The following RASSF2 variants were observed in gnomAD, a reference collection of about 807,000 sequenced individuals.
The protein encoded by RASSF2 is ras association domain-containing protein 2.
RASSF2 carries 34 observed loss-of-function variants against 46.3 expected under a neutral mutation model. That is an observed-to-expected ratio of 0.73 (90% CI 0.56 to 0.98). RASSF2 has a LOEUF of 0.98. RASSF2 is among the 50% of genes least tolerant of loss of function. The pLI is 0.00. For synonymous variants in RASSF2, 158 were observed against 162.5 expected (o/e 0.97, Z 0.21); for missense variants, 364 against 431.2 (o/e 0.84, Z 1.38).
At chr20:4,819,567 A>G (rs1374509873) in intron 2 of RASSF2, among the ~76,000 whole-genome samples, 2 of 152,150 alleles carry the variant, frequency 1.3e-5, no homozygotes, top group Non-Finnish European at 2.9e-5. Context: ...CCCATCAGTC[A>G]TTGGTTGAGA....
intron 5 of RASSF2, 57 bp from the exon 6 acceptor site, chr20:4,792,684 A>T (rs1343475933): frequency 3.2e-6 from 5 of 1,573,638 alleles, no homozygotes; most frequent in Non-Finnish European, 4.3e-6. Context: ...CTGTGGAGAG[A>T]CGCCCCCGCA....
intron 2 of RASSF2, 74 bp from the exon 3 acceptor site, chr20:4,801,136 G>T: frequency 8.4e-7 from 1 of 1,188,820 alleles, no homozygotes; most frequent in Non-Finnish European, 1.2e-6. Flanking sequence ...TTGGGGTGGG[G>T]AGGGGGCACA....
At chr20:4,813,194 C>A (rs1284976350) in intron 2 of RASSF2, among the ~76,000 whole-genome samples, 2 of 152,182 alleles carry the variant, frequency 1.3e-5, no homozygotes, top group African/African-American at 4.8e-5. Context: ...ACAGGCACAG[C>A]CCCTTCCTGG....
At chr20:4,807,261 T>C (rs1927411860) in intron 2 of RASSF2, among the ~76,000 whole-genome samples, 1 of 150,482 alleles carries the variant, frequency 6.6e-6, no homozygotes, top group Admixed American at 6.6e-5. Flanking sequence ...GAACCAAAAA[T>C]TTAAACATTG....
At position 4,786,255 on chromosome 20, in the gene RASSF2, C is replaced by T. The variant is rs750818035; in HGVS notation, c.887G>A (p.Arg296Gln). 11 of 1,612,938 alleles carry T rather than the reference C, an allele frequency of 6.8e-6. No homozygotes were observed. Among genetic ancestry groups the T allele is most frequent in the South Asian group, 2.2e-5 (2 of 91,058 alleles). ...CTTGCGCATCAGCTTCTTTACTTCCCGATCTTCTTCCTCCTGGAGCTTCTG... is the reference window on the plus strand; with the variant it reads ...CTTGCGCATCAGCTTCTTTACTTCCTGATCTTCTTCCTCCTGGAGCTTCTG... ...FIQKLQEEED[R>Q]EVKKLMRKYT... The change falls in exon 11 of 12, where the codon CGG becomes CAG. Residue 296 changes from arginine to glutamine, a missense_variant. By Grantham distance (43) the Arg-to-Gln change is conservative. Coordinates refer to ENST00000379400, the MANE Select transcript of RASSF2 (RefSeq NM_014737.3).
intron 4 of RASSF2, 43 bp downstream of exon 4, chr20:4,797,967 G>A (rs775842638): frequency 6.2e-7 from 1 of 1,611,464 alleles, no homozygotes; most frequent in East Asian, 2.2e-5. Context: ...ATGGTGACAA[G>A]CCCTGGACTA....
chr20:4,799,818 T>C (rs1031199538), intron 3 of RASSF2, among the ~76,000 whole-genome samples: 2 of 152,190 alleles, frequency 1.3e-5, no homozygotes, highest in South Asian at 2.1e-4. Flanking sequence ...TTCGTTAAGA[T>C]AGAGAAATCC....
At chr20:4,800,923 A>C (rs766108433) in intron 3 of RASSF2, 49 bp downstream of exon 3, 8 of 1,508,684 alleles carry the variant, frequency 5.3e-6, no homozygotes, top group Non-Finnish European at 7.4e-6. Flanking sequence ...ACAACATCCC[A>C]GCACGGGACT....
At chr20:4,810,843 G>A (rs1927730630) in intron 2 of RASSF2, among the ~76,000 whole-genome samples, 1 of 152,162 alleles carries the variant, frequency 6.6e-6, no homozygotes, top group Admixed American at 6.5e-5. Flanking sequence ...GGGGAGGAGA[G>A]GGCTTTCCAT....
In RASSF2 at chr20:4,790,440, G is replaced by A. The variant is rs1435363279; in HGVS notation, c.537+11C>T. On this transcript the variant is annotated intron_variant, in intron 7 of 11. Transcript: ENST00000379400. This position sits in a 1 kb window ranked among gnomAD's most constrained non-coding sequence, Gnocchi z 4.3. ...GGTCTTCCACCCTCCCCGTCCCCCT[G>A]TCCACCTTACCTTATGGTTGTAGAA... is the stretch of plus-strand genomic sequence containing the variant. The A allele has an allele frequency of 6.9e-6, 10 of 1,449,244 alleles. No individual in the cohort carries two copies. Among genetic ancestry groups the A allele is most frequent in the Non-Finnish European group, 9.1e-6 (10 of 1,099,720 alleles). 89.8% of individuals were successfully genotyped at this position (1,449,244 alleles called of 1,614,324 possible).
intron 2 of RASSF2, among the ~76,000 whole-genome samples, chr20:4,806,673 C>G (rs541474184): frequency 2.0e-5 from 3 of 152,304 alleles, no homozygotes; most frequent in African/African-American, 7.2e-5. Flanking sequence ...GTCTTTTACT[C>G]CTGGCCTCAA....
intron 2 of RASSF2, among the ~76,000 whole-genome samples, chr20:4,801,724 A>C (rs1926885359): frequency 1.3e-5 from 2 of 151,982 alleles, no homozygotes. Flanking sequence ...CCTTGGCACT[A>C]TTACCATTTG....
intron 2 of RASSF2, among the ~76,000 whole-genome samples, chr20:4,807,413 G>C (rs73588975): frequency 0.022 from 3,297 of 151,122 alleles, 104 homozygotes; most frequent in African/African-American, 0.075. Context: ...ATATGGTAAA[G>C]GGCTAATGTC....
rs1328193386 is a variant in RASSF2, at chr20:4,783,154, C to T, written c.*1119G>A. 1 of 152,300 alleles carries T rather than the reference C, an allele frequency of 6.6e-6. No individual in the cohort carries two copies. The highest frequency in any genetic ancestry group is 1.5e-5 in the Non-Finnish European group (1 of 68,072). 9.4% of individuals were successfully genotyped at this position (152,300 alleles called of 1,614,324 possible). A position where few individuals can be genotyped will look rare whatever the true frequency, so the allele number is the denominator to read the frequency against. On this transcript the variant is annotated 3_prime_UTR_variant, in exon 12 of 12. Transcript: ENST00000379400. ...TTCATTCTTGGAATGCATCTCCACA[C>T]ACAAGGTGAGGGCAACTTGCAAGAA...
At chr20:4,799,511 A>T (rs978291608) in intron 3 of RASSF2, among the ~76,000 whole-genome samples, 1 of 152,254 alleles carries the variant, frequency 6.6e-6, no homozygotes, top group Non-Finnish European at 1.5e-5. Context: ...CCACGCCAGG[A>T]GTCAAGACCC....
In RASSF2 at chr20:4,790,403, TA is replaced by T. The variant is rs779752267; in HGVS notation, c.537+47del. The T allele has an allele frequency of 1.1e-5, 16 of 1,403,710 alleles. No homozygotes were observed. The African/African-American group carries it at 2.4e-4, about 21-fold the overall frequency. The allele number at this position is 1,403,710 out of a possible 1,614,324, so 87.0% of individuals were successfully genotyped here. A position where few individuals can be genotyped will look rare whatever the true frequency, so the allele number is the denominator to read the frequency against. ...ATGGCTGTAGCCCTGAGGTGGCATC[TA>T]CCCAGGAAGAGGTCTTCCACCCTCC... On this transcript the variant is annotated intron_variant, in intron 7 of 11. Transcript: ENST00000379400. This position sits in a 1 kb window ranked among gnomAD's most constrained non-coding sequence, Gnocchi z 4.3.
chr20:4,798,355 C>T lies in RASSF2; in HGVS notation c.60-270G>A, dbSNP rs772160235. Among the ~76,000 whole-genome samples, 5 of 152,268 alleles carry T rather than the reference C, an allele frequency of 3.3e-5. No homozygotes were observed. The South Asian group carries it at 6.2e-4, about 19-fold the overall frequency. On this transcript the variant is annotated intron_variant, in intron 3 of 11. Coordinates refer to ENST00000379400, the MANE Select transcript of RASSF2 (RefSeq NM_014737.3). ...AACTCCAGGACACCAAGGCAGGCCT[C>T]GTCTACCGACAATACTCCCAAACTC...
At position 4,787,639 on chromosome 20, in the gene RASSF2, G is replaced by C. The variant is rs1376225332; in HGVS notation, c.807C>G (p.Thr269=). ...TGACCCAAAGGGAACTCACGTCGTA[G>C]GTGACTTCCTCCACCTGGTCCTTCT... ...LMEKDQVEEV[T]YDVAQYIKFE... Residue 269 remains threonine (T), a synonymous_variant, in exon 10 of 12, where the codon ACC becomes ACG. Coordinates refer to ENST00000379400, the MANE Select transcript of RASSF2 (RefSeq NM_014737.3). 6.2e-7 allele frequency: 1 copy of C among 1,614,132 alleles called. No individual in the cohort carries two copies. Among genetic ancestry groups the C allele is most frequent in the East Asian group, 2.2e-5 (1 of 44,880 alleles).
intron 3 of RASSF2, 148 bp from the exon 4 acceptor site, chr20:4,798,233 C>A: frequency 9.2e-6 from 12 of 1,300,336 alleles, no homozygotes; most frequent in Non-Finnish European, 1.2e-5. Context: ...CATGCACATG[C>A]ACACAGAGTT....
Sources: gnomAD v4.1 joint callset for allele counts (sites outside exome capture counted in the v4.1 genomes callset) on GRCh38, gnomAD v4.1.1 for gene constraint, Gnocchi (gnomAD v3.1) non-coding constraint, MANE v1.5 for transcripts, NCBI Gene and HGNC (gene_info 2026-07-23, HGNC 2026-07-21) for gene names.